Variants in CCM2 observed in about 807,000 individuals in gnomAD.
CCM2 encodes cerebral cavernous malformations 2 protein.
In CCM2, 25 loss-of-function variants were observed where a neutral mutation model predicts 44.9. The observed-to-expected ratio is 0.56, with a 90% confidence interval of 0.41 to 0.78. The LOEUF (loss-of-function observed/expected upper bound fraction) is 0.78. CCM2 is among the 30% of genes least tolerant of loss of function. The pLI is 0.00. For missense variants in CCM2, 481 were observed against 580.6 expected (o/e 0.83, Z 1.76); for synonymous variants, 219 against 241.1 (o/e 0.91, Z 0.85).
intron 1 of CCM2, among the ~76,000 whole-genome samples, chr7:45,015,710 C>T (rs1051012865): frequency 3.9e-5 from 6 of 152,130 alleles, no homozygotes; most frequent in African/African-American, 1.2e-4. Context: ...TGGCCCAGGA[C>T]GTCCTGGTTC....
Position 45,000,375 on chromosome 7 carries a change from C to CG in CCM2, c.30+17dup. The CG allele has an allele frequency of 3.9e-6, 5 of 1,284,890 alleles. No homozygotes were observed. The highest frequency in any genetic ancestry group is 3.2e-5 in the East Asian group (1 of 31,324). The allele number at this position is 1,284,890 out of a possible 1,614,324, so 79.6% of individuals were successfully genotyped here. A position where few individuals can be genotyped will look rare whatever the true frequency, so the allele number is the denominator to read the frequency against. ...AGAAGGGCAAGAAGGTGAGCGTGCG[C>CG]GGGGGCGTCCTACTGCTGTGGTCGG... On this transcript the variant is annotated intron_variant, in intron 1 of 9. Coordinates refer to ENST00000258781, the MANE Select transcript of CCM2 (RefSeq NM_031443.4).
At chr7:45,017,933 C>T (rs1796329735) in intron 1 of CCM2, among the ~76,000 whole-genome samples, 2 of 151,906 alleles carry the variant, frequency 1.3e-5, no homozygotes, top group Non-Finnish European at 2.9e-5. Context: ...CTGAAAATAC[C>T]TTCATTTCAT....
chr7:45,069,312 C>T (rs1052941560), intron 5 of CCM2, among the ~76,000 whole-genome samples: 22 of 152,362 alleles, frequency 1.4e-4, no homozygotes, highest in Admixed American at 5.2e-4. Context: ...CAGCTTCTCC[C>T]CTTGTGACAG....
chr7:45,035,868 A>C (rs1285012851), intron 1 of CCM2, among the ~76,000 whole-genome samples: 2 of 152,092 alleles, frequency 1.3e-5, no homozygotes, highest in African/African-American at 4.8e-5. Flanking sequence ...AGAAGAGATA[A>C]ATTTTAACTT....
At position 45,000,343 on chromosome 7, in the gene CCM2, GAGGGCAAGA is replaced by G. The variant is rs889745436; in HGVS notation, c.23_30+1del. 15 of 1,298,554 alleles carry G rather than the reference GAGGGCAAGA, an allele frequency of 1.2e-5. No homozygotes were observed. Among genetic ancestry groups the G allele is most frequent in the Admixed American group, 6.7e-5 (2 of 29,684 alleles). The allele number at this position is 1,298,554 out of a possible 1,614,324, so 80.4% of individuals were successfully genotyped here. ...AGCCGCACGCGGCGATATGGAAGAG[GAGGGCAAGA>G]AGGGCAAGAAGGTGAGCGTGCGCGG... On this transcript the variant is annotated inframe_deletion, in exon 1 of 10. Transcript: ENST00000258781.
chr7:45,014,268 C>G (rs937010056), intron 1 of CCM2, among the ~76,000 whole-genome samples: 10 of 151,906 alleles, frequency 6.6e-5, no homozygotes, highest in African/African-American at 2.4e-4. Context: ...GCCTCCCGAG[C>G]AGCTGGGATT....
chr7:45,076,200 C>G lies in CCM2; in HGVS notation c.*143C>G. On this transcript the variant is annotated 3_prime_UTR_variant, in exon 10 of 10. Coordinates refer to ENST00000258781, the MANE Select transcript of CCM2 (RefSeq NM_031443.4). ...GCAGATGGCCCCGGGCGGCCCAGGT[C>G]CTCTACTGTGAAGGAGCAGGGAGCT... is the stretch of plus-strand genomic sequence containing the variant. The G allele has an allele frequency of 8.6e-7, 1 of 1,167,326 alleles. No homozygotes were observed. Among genetic ancestry groups the G allele is most frequent in the Non-Finnish European group, 1.2e-6 (1 of 811,598 alleles). The allele number at this position is 1,167,326 out of a possible 1,614,324, so 72.3% of individuals were successfully genotyped here.
Position 45,027,757 on chromosome 7 carries a change from C to G in CCM2, c.31-10496C>G. 6.2e-7 allele frequency: 1 copy of G among 1,614,120 alleles called. No homozygotes were observed. ...AACCAGAATCTCTCCAAAGAAATTC[C>G]TCAAACAGAATTTCACACAGGGTAT... is the stretch of plus-strand genomic sequence containing the variant. On this transcript the variant is annotated intron_variant, in intron 1 of 9. Coordinates refer to ENST00000258781, the MANE Select transcript of CCM2 (RefSeq NM_031443.4).
At chr7:45,046,332 G>C (rs893519972) in intron 2 of CCM2, among the ~76,000 whole-genome samples, 1 of 152,208 alleles carries the variant, frequency 6.6e-6, no homozygotes, top group Non-Finnish European at 1.5e-5. Flanking sequence ...AGAAGAGTCA[G>C]CCTGTCTGAT....
intron 1 of CCM2, among the ~76,000 whole-genome samples, chr7:45,019,226 T>C (rs989236145): frequency 9.2e-5 from 14 of 151,810 alleles, no homozygotes; most frequent in Non-Finnish European, 1.9e-4. Context: ...CATGCACCAC[T>C]GTGCCCGGCT....
At chr7:45,001,934 G>A (rs1795653220) in intron 1 of CCM2, among the ~76,000 whole-genome samples, 1 of 152,174 alleles carries the variant, frequency 6.6e-6, no homozygotes, top group South Asian at 2.1e-4. Context: ...GCTTAAGCCA[G>A]GGGTTTTGTG....
chr7:45,033,819 T>C (rs527714328), intron 1 of CCM2, among the ~76,000 whole-genome samples: 2 of 152,014 alleles, frequency 1.3e-5, no homozygotes, highest in African/African-American at 4.8e-5. Context: ...CATCTGTCAC[T>C]TGAGAGTGCC....
intron 1 of CCM2, among the ~76,000 whole-genome samples, chr7:45,036,893 T>C (rs111264994): frequency 5.8e-4 from 88 of 152,266 alleles, no homozygotes; most frequent in African/African-American, 2.0e-3. Flanking sequence ...ATCTGTGCAC[T>C]GGGTCACCCT....
intron 1 of CCM2, among the ~76,000 whole-genome samples, chr7:45,008,875 A>T (rs191081842): frequency 2.3e-4 from 35 of 152,230 alleles, no homozygotes; most frequent in African/African-American, 8.2e-4. Flanking sequence ...TGCACTTCTA[A>T]TATCAGGCTG....
intron 4 of CCM2, among the ~76,000 whole-genome samples, chr7:45,067,477 A>G (rs1033179930): frequency 6.6e-5 from 10 of 152,200 alleles, no homozygotes; most frequent in Admixed American, 2.6e-4. Flanking sequence ...ATTTTCAATA[A>G]TATATTTTAT....
chr7:45,042,276 G>A lies in CCM2; in HGVS notation c.204+3850G>A, dbSNP rs1034225671. Among the ~76,000 whole-genome samples the A allele has an allele frequency of 1.7e-4, 6 of 34,382 alleles. 1 individual carries two copies. The East Asian group carries it at 5.6e-3, about 32-fold the overall frequency. The allele number at this position is 34,382 out of a possible 152,430, so 22.6% of individuals were successfully genotyped here. A position where few individuals can be genotyped will look rare whatever the true frequency, so the allele number is the denominator to read the frequency against. Reference sequence around the variant, plus strand: ...GCGAGATTCCATCTCAAAAAAAAAAGGTGCCGTTCCCTTCCCTTCTGAGGG... The same window carrying A: ...GCGAGATTCCATCTCAAAAAAAAAAAGTGCCGTTCCCTTCCCTTCTGAGGG... On this transcript the variant is annotated intron_variant, in intron 2 of 9. Coordinates refer to ENST00000258781, the MANE Select transcript of CCM2 (RefSeq NM_031443.4).
At chr7:45,073,035 G>A (rs1323331493) in intron 7 of CCM2, 4 of 620,394 alleles carry the variant, frequency 6.4e-6, no homozygotes, top group Non-Finnish European at 1.2e-5. Flanking sequence ...GAGTGAGCTT[G>A]TAATAGGCAT....
intron 1 of CCM2, among the ~76,000 whole-genome samples, chr7:45,013,309 G>A (rs1041483089): frequency 2.0e-5 from 3 of 151,274 alleles, no homozygotes; most frequent in African/African-American, 7.3e-5. Context: ...TCTTACATTA[G>A]ATTTTTTTTT....
At chr7:45,028,788 TAAAAA>T (rs930299508) in intron 1 of CCM2, among the ~76,000 whole-genome samples, 2 of 142,182 alleles carry the variant, frequency 1.4e-5, no homozygotes, top group South Asian at 2.3e-4. Context: ...CCAAAGCACT[TAAAAA>T]AAAAAAAAGC....
Sources: allele counts gnomAD v4.1 joint callset (sites outside exome capture counted in the v4.1 genomes callset), GRCh38; gene constraint gnomAD v4.1.1; transcripts MANE v1.5; gene names NCBI Gene and HGNC (gene_info 2026-07-23, HGNC 2026-07-21).